Variants in GRM8 observed in about 807,000 individuals in gnomAD.
GRM8 encodes metabotropic glutamate receptor 8.
GRM8 carries 47 observed loss-of-function variants against 87.2 expected under a neutral mutation model. The ratio of observed to expected loss-of-function variants is 0.54; its 90% confidence interval spans 0.43 to 0.69. GRM8 has a LOEUF of 0.69. GRM8 is among the 30% of genes least tolerant of loss of function. The probability of loss-of-function intolerance (pLI) is 0.00; values close to 1 mark genes in which losing one functional copy is unlikely to be tolerated. For synonymous variants in GRM8, 396 were observed against 404.5 expected, an observed-to-expected ratio of 0.98 and a Z score of 0.25; for missense variants, 1,019 against 1,139.2, an observed-to-expected ratio of 0.89 and a Z score of 1.52.
intron 7 of GRM8, among the ~76,000 whole-genome samples, chr7:126,742,792 C>A (rs549571219): frequency 6.6e-6 from 1 of 152,158 alleles, no homozygotes; most frequent in East Asian, 1.9e-4. Flanking sequence ...TAATTCTAGT[C>A]ACTAGTTAAT....
chr7:126,608,826 C>A (rs1249889205), intron 8 of GRM8, among the ~76,000 whole-genome samples: 1 of 149,644 alleles, frequency 6.7e-6, no homozygotes, highest in Admixed American at 6.7e-5. Context: ...TGCAGTGGCG[C>A]GACCTCGGCT....
Position 126,740,736 on chromosome 7 carries a change from T to C in GRM8, c.1357+29129A>G, listed in dbSNP as rs534017059. Among the ~76,000 whole-genome samples the C allele has an allele frequency of 7.9e-5, 12 of 152,272 alleles. 1 individual carries two copies. The South Asian group carries it at 2.5e-3, about 32-fold the overall frequency. On this transcript the variant is annotated intron_variant, in intron 7 of 10. Coordinates refer to ENST00000339582, the MANE Select transcript of GRM8 (RefSeq NM_000845.3). ...GAAAATGTGCTGAGAGATTCCTCTT[T>C]CCACAGGTGGTTTTGGCAGCAGAGT... is the stretch of plus-strand genomic sequence containing the variant.
intron 8 of GRM8, among the ~76,000 whole-genome samples, chr7:126,581,476 G>A (rs1795598502): frequency 6.6e-6 from 1 of 152,114 alleles, no homozygotes; most frequent in South Asian, 2.1e-4. Context: ...ACTCTCAGGA[G>A]TCTCAGGAAA....
chr7:127,106,710 T>A lies in GRM8; in HGVS notation c.513A>T (p.Ile171=). The A allele has an allele frequency of 6.2e-7, 1 of 1,603,884 alleles. No homozygotes were observed. Among genetic ancestry groups the A allele is most frequent in the Non-Finnish European group, 8.5e-7 (1 of 1,170,738 alleles). ...MVANILRLFK[I]PQISYASTAP... The stretch of plus-strand genomic sequence containing the variant: ...CTGTGGATGCATAGCTGATTTGAGG[T>A]ATCTGCAAAACAAATGATGGGTCAT... The change falls in exon 3 of 11, where the codon ATA becomes ATT. Residue 171 remains isoleucine, a splice_region_variant and synonymous_variant. Coordinates refer to ENST00000339582, the MANE Select transcript of GRM8 (RefSeq NM_000845.3).
intron 7 of GRM8, among the ~76,000 whole-genome samples, chr7:126,754,944 A>T (rs540204686): frequency 7.5e-6 from 1 of 133,742 alleles, no homozygotes; most frequent in Non-Finnish European, 1.7e-5. Context: ...TGGTTTCAAT[A>T]ATGCTAAAAA....
intron 8 of GRM8, among the ~76,000 whole-genome samples, chr7:126,539,723 T>C (rs1254465592): frequency 1.3e-5 from 2 of 151,644 alleles, no homozygotes; most frequent in South Asian, 2.1e-4. Flanking sequence ...TTTCAAAAAA[T>C]GATGCCAAAA....
intron 8 of GRM8, among the ~76,000 whole-genome samples, chr7:126,549,030 A>G (rs1817483064): frequency 6.6e-6 from 1 of 152,186 alleles, no homozygotes; most frequent in Admixed American, 6.6e-5. Context: ...CCACATAGAA[A>G]ACAATGAAGT....
intron 6 of GRM8, among the ~76,000 whole-genome samples, chr7:126,899,352 C>T (rs1270194759): frequency 2.6e-5 from 4 of 152,160 alleles, no homozygotes; most frequent in Non-Finnish European, 5.9e-5. Flanking sequence ...GTATCCTCCT[C>T]TCCAAGAAGC....
chr7:126,759,416 T>C (rs976161316), intron 7 of GRM8, among the ~76,000 whole-genome samples: 19 of 152,212 alleles, frequency 1.2e-4, no homozygotes, highest in African/African-American at 2.9e-4. Context: ...ATATATAATT[T>C]TGAAGAAACA....
chr7:127,197,812 A>G (rs911607163), intron 2 of GRM8, among the ~76,000 whole-genome samples: 3 of 152,198 alleles, frequency 2.0e-5, no homozygotes, highest in Non-Finnish European at 4.4e-5. Context: ...ATCTACTACT[A>G]AATGATGTGG....
intron 10 of GRM8, 135 bp downstream of exon 10, chr7:126,445,991 G>T: frequency 2.0e-6 from 2 of 990,552 alleles, no homozygotes; most frequent in Non-Finnish European, 3.1e-6. Context: ...ATGTGATGGT[G>T]TCACGGTATG....
chr7:126,630,727 TATACAAGTCAACAA>T (rs1801174595), intron 7 of GRM8, among the ~76,000 whole-genome samples: 1 of 152,072 alleles, frequency 6.6e-6, no homozygotes, highest in Non-Finnish European at 1.5e-5. Context: ...TGGTTCAACA[TATACAAGTCAACAA>T]ATGTGATTCA....
intron 3 of GRM8, among the ~76,000 whole-genome samples, chr7:126,941,072 C>G (rs1806867360): frequency 6.6e-6 from 1 of 152,140 alleles, no homozygotes; most frequent in African/African-American, 2.4e-5. Flanking sequence ...TGTTGAAATT[C>G]TACCTATCTG....
At chr7:126,783,659 TG>T (rs1331174466) in intron 6 of GRM8, among the ~76,000 whole-genome samples, 1 of 152,198 alleles carries the variant, frequency 6.6e-6, no homozygotes, top group Non-Finnish European at 1.5e-5. Flanking sequence ...AATTGAACAC[TG>T]CAAATGTTCA....
chr7:126,778,312 C>T (rs1819677120), intron 6 of GRM8, among the ~76,000 whole-genome samples: 1 of 152,190 alleles, frequency 6.6e-6, no homozygotes, highest in Non-Finnish European at 1.5e-5. Flanking sequence ...TTCACAATAA[C>T]ATCTCTCCTT....
chr7:126,750,067 G>A (rs1001372886), intron 7 of GRM8, among the ~76,000 whole-genome samples: 3 of 151,964 alleles, frequency 2.0e-5, no homozygotes, highest in Admixed American at 1.3e-4. Context: ...TATTCTTCAC[G>A]GGGAAAACTG....
At chr7:126,854,181 C>T (rs1797472564) in intron 6 of GRM8, among the ~76,000 whole-genome samples, 1 of 152,180 alleles carries the variant, frequency 6.6e-6, no homozygotes, top group African/African-American at 2.4e-5. Flanking sequence ...TGCCTTTGTC[C>T]CTGTTCCCTA....
At chr7:126,439,310 TCA>T (rs1801185758) in intron 10 of GRM8, 142 bp from the exon 11 acceptor site, 6 of 635,174 alleles carry the variant, frequency 9.4e-6, no homozygotes, top group Non-Finnish European at 1.4e-5. Flanking sequence ...TTTAAACCAT[TCA>T]CAGTCATGCA....
intron 7 of GRM8, among the ~76,000 whole-genome samples, chr7:126,636,736 T>G (rs1376070097): frequency 6.6e-6 from 1 of 152,054 alleles, no homozygotes; most frequent in Non-Finnish European, 1.5e-5. Flanking sequence ...AGTTAATTTG[T>G]TCTTATACCC....
Sources: allele counts gnomAD v4.1 joint callset (sites outside exome capture counted in the v4.1 genomes callset), GRCh38; gene constraint gnomAD v4.1.1; transcripts MANE v1.5; gene names NCBI Gene and HGNC (gene_info 2026-07-23, HGNC 2026-07-21).